Variants in LHX6 observed in about 807,000 individuals in gnomAD.
The protein encoded by LHX6 is LIM/homeobox protein Lhx6.
A neutral mutation model predicts 47.1 loss-of-function variants in LHX6; 15 were observed. The ratio of observed to expected loss-of-function variants is 0.32; its 90% CI spans 0.21 to 0.49. The LOEUF (loss-of-function observed/expected upper bound fraction) is 0.49, where lower values mean the gene tolerates loss of function less well. Ranked by LOEUF, LHX6 falls within the 20% of genes least tolerant of loss-of-function variation. The probability of loss-of-function intolerance (pLI) is 0.99; values close to 1 mark genes in which losing one functional copy is unlikely to be tolerated. For missense variants in LHX6, 404 were observed against 539.6 expected (o/e 0.75, Z 2.49); for synonymous variants, 242 against 233.5 (o/e 1.04, Z -0.33).
In LHX6 at chr9:122,209,746, A is replaced by T. The variant is rs1259984154; in HGVS notation, c.1055-29T>A. The stretch of plus-strand genomic sequence containing the variant: ...TGGACGAGAGGATGCCTTGGAGCTC[A>T]TCCCCCAGGCTGCACACAGGATCCC... On this transcript the variant is annotated intron_variant, in intron 8 of 9. Transcript: ENST00000394319. 5.1e-6 allele frequency: 4 copies of T among 780,224 alleles called. No individual in the cohort carries two copies. In the East Asian group the frequency reaches 7.3e-5, roughly 14 times the overall value. The allele number at this position is 780,224 out of a possible 1,614,324, so 48.3% of individuals were successfully genotyped here. A position where few individuals can be genotyped will look rare whatever the true frequency, so the allele number is the denominator to read the frequency against.
chr9:122,225,588 G>T lies in LHX6; in HGVS notation c.461+788C>A, dbSNP rs571644357. On this transcript the variant is annotated intron_variant, in intron 4 of 9. Coordinates refer to ENST00000394319, the MANE Select transcript of LHX6 (RefSeq NM_014368.5). ...GGGGTAATCCCACTCAGGGCTCCGG[G>T]TGCCCAGTTCTCCCACTTCCCATCC... Among the ~76,000 whole-genome samples the T allele has an allele frequency of 3.7e-4, 56 of 152,362 alleles. No individual in the cohort carries two copies. The South Asian group carries it at 0.012, about 32-fold the overall frequency.
chr9:122,221,637 G>T (rs1455121516), intron 4 of LHX6: 3 of 985,414 alleles, frequency 3.0e-6, no homozygotes, highest in Non-Finnish European at 3.6e-6. Flanking sequence ...AGGCAGGAGG[G>T]CCAGGGACCG....
intron 4 of LHX6, among the ~76,000 whole-genome samples, chr9:122,219,063 G>A (rs904062446): frequency 2.0e-5 from 3 of 152,212 alleles, no homozygotes; most frequent in Non-Finnish European, 2.9e-5. Context: ...CCACCCGGGG[G>A]AGCATTCGGA....
intron 4 of LHX6, among the ~76,000 whole-genome samples, chr9:122,219,251 C>G (rs1184228923): frequency 6.6e-6 from 1 of 152,268 alleles, no homozygotes; most frequent in East Asian, 1.9e-4. Context: ...ACCCTACTGT[C>G]TCCAACGAGG....
intron 9 of LHX6, among the ~76,000 whole-genome samples, chr9:122,207,877 G>A (rs902374839): frequency 2.0e-5 from 3 of 152,082 alleles, no homozygotes; most frequent in East Asian, 1.9e-4. Flanking sequence ...CTCTGAGAGC[G>A]AGGCTTAGGA....
rs182728290 is a variant in LHX6 at position 122,204,227 on chromosome 9, G to C, written c.*533C>G. 2.9e-3 allele frequency: 448 copies of C among 154,184 alleles called. 3 individuals are homozygous for C. Among genetic ancestry groups the C allele is most frequent in the African/African-American group, 0.01 (435 of 41,526 alleles). 9.6% of individuals were successfully genotyped at this position (154,184 alleles called of 1,614,324 possible). A position where few individuals can be genotyped will look rare whatever the true frequency, so the allele number is the denominator to read the frequency against. ...TGAATTAACTTGACATAACCAGACA[G>C]ATGGAAATGATAAAATTAGAACATA... On this transcript the variant is annotated 3_prime_UTR_variant, in exon 10 of 10. Transcript: ENST00000394319.
intron 4 of LHX6, chr9:122,221,516 T>A: frequency 1.0e-6 from 1 of 985,652 alleles, no homozygotes; most frequent in South Asian, 4.7e-5. Flanking sequence ...TGAAGTCGTT[T>A]GGGCCTAGCT....
intron 5 of LHX6, among the ~76,000 whole-genome samples, chr9:122,216,393 G>A (rs1261522697): frequency 1.3e-5 from 2 of 152,186 alleles, no homozygotes; most frequent in Non-Finnish European, 2.9e-5. Flanking sequence ...GAATCACAAT[G>A]TCAGAGCCAG....
chr9:122,207,736 G>A (rs1306371358), intron 9 of LHX6, among the ~76,000 whole-genome samples: 1 of 152,092 alleles, frequency 6.6e-6, no homozygotes, highest in Admixed American at 6.5e-5. Flanking sequence ...CATACTAGGT[G>A]TACTGAGCTC....
chr9:122,217,403 C>G lies in LHX6; in HGVS notation c.462-115G>C. 3 of 760,372 alleles carry G rather than the reference C, an allele frequency of 3.9e-6. No individual in the cohort carries two copies. In the South Asian group the frequency reaches 5.2e-5, roughly 13 times the overall value. The allele number at this position is 760,372 out of a possible 1,614,324, so 47.1% of individuals were successfully genotyped here. A position where few individuals can be genotyped will look rare whatever the true frequency, so the allele number is the denominator to read the frequency against. ...GCTCCTGGCCTCTAAGTCTTCAACT[C>G]AGGCATTAGCCTTAGCTTGGACGCA... On this transcript the variant is annotated intron_variant, in intron 4 of 9. Transcript: ENST00000394319. The surrounding 1 kb of genome is among the most constrained non-coding windows in gnomAD (Gnocchi z 4.9).
intron 4 of LHX6, chr9:122,221,784 T>C: frequency 2.1e-6 from 2 of 961,328 alleles, no homozygotes; most frequent in Non-Finnish European, 2.5e-6. Flanking sequence ...CAGGGACTCT[T>C]TGGATCAGCA....
At chr9:122,221,316 G>A (rs1172705219) in intron 4 of LHX6, 1 of 985,452 alleles carries the variant, frequency 1.0e-6, no homozygotes, top group African/African-American at 1.7e-5. Context: ...CTCCCCTCTC[G>A]GCTCCCCCAA....
chr9:122,221,504 C>G (rs1830859351), intron 4 of LHX6: 1 of 985,542 alleles, frequency 1.0e-6, no homozygotes, highest in Admixed American at 6.1e-5. Context: ...TAGGGGCTTG[C>G]ATGAAGTCGT....
At position 122,226,331 on chromosome 9, in the gene LHX6, G is replaced by C. The variant is rs760794423; in HGVS notation, c.461+45C>G. ...CAAAAGTGGCCTCCGAATGCGCCCG[G>C]GGCCTGCCCTCGGCGACACTGCTGG... On this transcript the variant is annotated intron_variant, in intron 4 of 9. Coordinates refer to ENST00000394319, the MANE Select transcript of LHX6 (RefSeq NM_014368.5). The surrounding 1 kb of genome is among the most constrained non-coding windows in gnomAD (Gnocchi z 6.5). 1 of 1,583,592 alleles carries C rather than the reference G, an allele frequency of 6.3e-7. No individual in the cohort carries two copies. The highest frequency in any genetic ancestry group is 8.6e-7 in the Non-Finnish European group (1 of 1,163,996).
Position 122,204,750 on chromosome 9 carries a change from G to A in LHX6, c.*10C>T, listed in dbSNP as rs537469731. On this transcript the variant is annotated 3_prime_UTR_variant, in exon 10 of 10. Coordinates refer to ENST00000394319, the MANE Select transcript of LHX6 (RefSeq NM_014368.5). ...GGCGCCCACGGGCAGATGCGGAAGT[G>A]CCGGCAGCGTTAGTACTGAAAAAGG... 1 of 1,599,798 alleles carries A rather than the reference G, an allele frequency of 6.3e-7. No individual in the cohort carries two copies. The highest frequency in any genetic ancestry group is 1.3e-5 in the African/African-American group (1 of 74,586).
Position 122,228,736 on chromosome 9 carries a change from T to C in LHX6, c.5A>G (p.Tyr2Cys). The change falls in exon 1 of 10, where the codon TAC becomes TGC. Residue 2 changes from tyrosine (Y) to cysteine (C), a missense_variant. Around this residue, in one of 7 missense-constraint regions of LHX6, gnomAD observed 144 missense variants for 128.7 expected, o/e 1.12. Transcript: ENST00000394319. ...CGGGGCGGCGTTCTCATGCTTCCAG[T>C]ACATGGGCCGGGGAACCTCGGGCTC... M[Y>C]WKHENAAPAL... 7.8e-7 allele frequency: 1 copy of C among 1,279,312 alleles called. No homozygotes were observed. Among genetic ancestry groups the C allele is most frequent in the Non-Finnish European group, 9.9e-7 (1 of 1,010,136 alleles). The allele number at this position is 1,279,312 out of a possible 1,614,324, so 79.2% of individuals were successfully genotyped here. A position where few individuals can be genotyped will look rare whatever the true frequency, so the allele number is the denominator to read the frequency against.
At position 122,213,483 on chromosome 9, in the gene LHX6, G is replaced by T; in HGVS notation, c.1054+123C>A. ...CTAGATCCAAATGACTTCGGGTCCC[G>T]CTTCTTCACCCACGAGGCTCCCCAA... On this transcript the variant is annotated intron_variant, in intron 8 of 9. Transcript: ENST00000394319. The surrounding 1 kb of genome is among the most constrained non-coding windows in gnomAD (Gnocchi z 5.5). 1 of 865,344 alleles carries T rather than the reference G, an allele frequency of 1.2e-6. No individual in the cohort carries two copies. Among genetic ancestry groups the T allele is most frequent in the African/African-American group, 1.7e-5 (1 of 58,008 alleles). The allele number at this position is 865,344 out of a possible 1,614,324, so 53.6% of individuals were successfully genotyped here. A position where few individuals can be genotyped will look rare whatever the true frequency, so the allele number is the denominator to read the frequency against.
rs762036833 is a variant in LHX6, at chr9:122,226,476, C to T, written c.361G>A (p.Val121Met). 10 of 1,613,496 alleles carry T rather than the reference C, an allele frequency of 6.2e-6. No homozygotes were observed. The highest frequency in any genetic ancestry group is 1.1e-5 in the South Asian group (1 of 91,048). The change falls in exon 4 of 10, where the codon GTG (valine) becomes ATG (methionine). Residue 121 changes from valine (V) to methionine (M), a missense_variant. Physicochemically the swap from Val to Met is conservative, Grantham distance 21. Transcript: ENST00000394319. This position sits in a 1 kb window ranked among gnomAD's most constrained non-coding sequence, Gnocchi z 6.5. The part of the protein sequence containing the change: ...LLKVNNLIWH[V>M]RCLECSVCRT... ...CACACGGAGCACTCGAGGCACCGCA[C>T]GTGCCAGATGAGGTTGTTGACCTGG...
chr9:122,213,475 C>T lies in LHX6; in HGVS notation c.1054+131G>A. On this transcript the variant is annotated intron_variant, in intron 8 of 9. Transcript: ENST00000394319. This position sits in a 1 kb window ranked among gnomAD's most constrained non-coding sequence, Gnocchi z 5.5. Reference sequence around the variant, plus strand: ...CCCAACTCCTAGATCCAAATGACTTCGGGTCCCGCTTCTTCACCCACGAGG... The same window carrying T: ...CCCAACTCCTAGATCCAAATGACTTTGGGTCCCGCTTCTTCACCCACGAGG... 2.6e-6 allele frequency: 2 copies of T among 780,540 alleles called. No individual in the cohort carries two copies. The highest frequency in any genetic ancestry group is 4.0e-6 in the Non-Finnish European group (2 of 505,770). 48.4% of individuals were successfully genotyped at this position (780,540 alleles called of 1,614,324 possible).
Sources: gnomAD v4.1 joint callset for allele counts (sites outside exome capture counted in the v4.1 genomes callset) on GRCh38, gnomAD v4.1.1 for gene constraint, gnomAD v4.1.1 regional missense constraint, Gnocchi (gnomAD v3.1) non-coding constraint, MANE v1.5 for transcripts, NCBI Gene and HGNC (gene_info 2026-07-23, HGNC 2026-07-21) for gene names.